ODAD2: variants seen among roughly 807,000 people sequenced by gnomAD.
ODAD2 encodes the protein outer dynein arm docking complex subunit 2.
In ODAD2, 89 loss-of-function variants were observed where a neutral mutation model predicts 106.8. That is an observed-to-expected ratio of 0.83 (90% CI 0.70 to 0.99). ODAD2 has a LOEUF of 0.99. Ranked by LOEUF, ODAD2 falls within the 50% of genes least tolerant of loss-of-function variation. The pLI is 0.00. For missense variants in ODAD2, 1,168 were observed against 1,238.5 expected, an observed-to-expected ratio of 0.94 and a Z score of 0.85; for synonymous variants, 404 against 436.2, an observed-to-expected ratio of 0.93 and a Z score of 0.92.
At chr10:27,834,939 A>T (rs1837751597) in intron 19 of ODAD2, among the ~76,000 whole-genome samples, 1 of 152,170 alleles carries the variant, frequency 6.6e-6, no homozygotes, top group Non-Finnish European at 1.5e-5. Flanking sequence ...GCTATCCTAT[A>T]TTATGCAGCT....
At chr10:27,957,332 A>G (rs892388683) in intron 10 of ODAD2, 2 of 152,230 alleles carry the variant, frequency 1.3e-5, no homozygotes, top group Non-Finnish European at 2.9e-5. Flanking sequence ...AAGCCCTGCC[A>G]CTAAGGAACC....
At chr10:27,833,404 A>T (rs1345066756) in intron 19 of ODAD2, among the ~76,000 whole-genome samples, 1 of 152,178 alleles carries the variant, frequency 6.6e-6, no homozygotes, top group African/African-American at 2.4e-5. Context: ...AGGAAAATTA[A>T]ACTTCTCTAG....
chr10:27,827,257 T>G (rs1455849112), intron 19 of ODAD2, among the ~76,000 whole-genome samples: 1 of 151,894 alleles, frequency 6.6e-6, no homozygotes, highest in Non-Finnish European at 1.5e-5. Flanking sequence ...ACCTCATTTT[T>G]TTGTCTATAC....
chr10:27,989,864 A>T (rs919095996), intron 2 of ODAD2, among the ~76,000 whole-genome samples: 1 of 152,160 alleles, frequency 6.6e-6, no homozygotes, highest in Admixed American at 6.5e-5. Context: ...ATAAAATAAA[A>T]ATAGATTTGA....
At chr10:27,927,031 A>G (rs1845304624) in intron 16 of ODAD2, among the ~76,000 whole-genome samples, 1 of 152,152 alleles carries the variant, frequency 6.6e-6, no homozygotes, top group Non-Finnish European at 1.5e-5. Flanking sequence ...GGTGGGGCAT[A>G]AGGCATAATT....
At chr10:27,919,796 T>C (rs915804375) in intron 16 of ODAD2, among the ~76,000 whole-genome samples, 1 of 152,116 alleles carries the variant, frequency 6.6e-6, no homozygotes, top group Non-Finnish European at 1.5e-5. Flanking sequence ...TAATCTATAG[T>C]AATGGAAATA....
chr10:27,936,592 T>C (rs1845989440), intron 15 of ODAD2, 134 bp downstream of exon 15: 1 of 1,033,862 alleles, frequency 9.7e-7, no homozygotes, highest in African/African-American at 1.6e-5. Flanking sequence ...AATCCCTTCA[T>C]TGGGCTAACT....
At chr10:27,919,636 T>G (rs1305944900) in intron 16 of ODAD2, among the ~76,000 whole-genome samples, 1 of 152,140 alleles carries the variant, frequency 6.6e-6, no homozygotes, top group Non-Finnish European at 1.5e-5. Flanking sequence ...ATGACTAAAT[T>G]TTTTAAAGAA....
chr10:27,909,817 GAAAAAAAAAAAAAA>G (rs35449629), intron 16 of ODAD2, among the ~76,000 whole-genome samples: 2 of 56,386 alleles, frequency 3.5e-5, no homozygotes, highest in Non-Finnish European at 3.3e-5. Context: ...GTCTTCATTT[GAAAAAAAAAAAAAA>G]AAAAAAAAAA....
At chr10:27,947,834 T>C (rs1347495634) in intron 10 of ODAD2, among the ~76,000 whole-genome samples, 1 of 152,204 alleles carries the variant, frequency 6.6e-6, no homozygotes, top group African/African-American at 2.4e-5. Flanking sequence ...TGAAGAAGAC[T>C]GTCCCATCCT....
chr10:27,834,485 A>G (rs1837714342), intron 19 of ODAD2, among the ~76,000 whole-genome samples: 1 of 152,096 alleles, frequency 6.6e-6, no homozygotes, highest in Non-Finnish European at 1.5e-5. Flanking sequence ...ACTCAAGGGA[A>G]GCTGAGAAGC....
chr10:27,987,921 ATGT>A (rs912362006), intron 2 of ODAD2, among the ~76,000 whole-genome samples: 167 of 151,430 alleles, frequency 1.1e-3, no homozygotes, highest in African/African-American at 3.9e-3. Context: ...GGGAGTTCTA[ATGT>A]TATTTTATTT....
chr10:27,916,348 A>G (rs1407779537), intron 16 of ODAD2, among the ~76,000 whole-genome samples: 1 of 152,114 alleles, frequency 6.6e-6, no homozygotes, highest in Admixed American at 6.6e-5. Context: ...GGGTGAAGAG[A>G]GCATCTGCAA....
chr10:27,958,214 T>C (rs751441822), intron 10 of ODAD2, among the ~76,000 whole-genome samples: 3 of 152,240 alleles, frequency 2.0e-5, no homozygotes, highest in Non-Finnish European at 4.4e-5. Context: ...GATGAATAAC[T>C]TGTGCAAATT....
chr10:27,940,846 A>T, intron 12 of ODAD2, 41 bp from the exon 13 acceptor site: 1 of 1,591,228 alleles, frequency 6.3e-7, no homozygotes, highest in Non-Finnish European at 8.6e-7. Context: ...GAAATCTTAA[A>T]AAGAACATTT....
chr10:27,984,154 A>G, intron 5 of ODAD2, 30 bp downstream of exon 5: 1 of 1,547,594 alleles, frequency 6.5e-7, no homozygotes, highest in Non-Finnish European at 8.9e-7. Flanking sequence ...AATGTAAATA[A>G]CATAAAATGA....
rs574740620 is a variant in ODAD2, at chr10:27,928,866, C to T, written c.2495+6144G>A. 1.1e-4 allele frequency among the ~76,000 whole-genome samples: 16 copies of T among 152,230 alleles called. No homozygotes were observed. In the South Asian group the frequency reaches 3.3e-3, roughly 32 times the overall value. The stretch of plus-strand genomic sequence containing the variant: ...CTTTACTTACATAAATTCACTTAAT[C>T]ATCTCAACAACCCAATGACATAGGT... On this transcript the variant is annotated intron_variant, in intron 16 of 19. Transcript: ENST00000305242.
intron 2 of ODAD2, among the ~76,000 whole-genome samples, chr10:27,993,478 C>T (rs1301115429): frequency 3.3e-5 from 5 of 151,768 alleles, no homozygotes; most frequent in Admixed American, 6.6e-5. Context: ...GGGGAAACCC[C>T]GTCTCTACTA....
chr10:27,955,698 T>G (rs1326772883), intron 10 of ODAD2, among the ~76,000 whole-genome samples: 8 of 21,996 alleles, frequency 3.6e-4, no homozygotes, highest in East Asian at 5.8e-4. Flanking sequence ...CCAATTAAGG[T>G]GTGTGTGTGT....
Sources: gnomAD v4.1 joint callset for allele counts (sites outside exome capture counted in the v4.1 genomes callset) on GRCh38, gnomAD v4.1.1 for gene constraint, MANE v1.5 for transcripts, NCBI Gene and HGNC (gene_info 2026-07-23, HGNC 2026-07-21) for gene names.